Variants in AGMO observed in about 807,000 individuals in gnomAD.
The protein encoded by AGMO is alkylglycerol monooxygenase, also known as glyceryl-ether monooxygenase.
A neutral mutation model predicts 60.2 loss-of-function variants in AGMO; 75 were observed. The ratio of observed to expected loss-of-function variants is 1.25; its 90% CI spans 1.03 to 1.51. AGMO has a LOEUF of 1.51. Among genes scored for constraint, AGMO ranks in the 40% most tolerant of loss-of-function variants. The pLI is 0.00. For missense variants in AGMO, 763 were observed against 525.5 expected (o/e 1.45, Z -4.42); for synonymous variants, 261 against 177.1 (o/e 1.47, Z -3.76).
intron 3 of AGMO, among the ~76,000 whole-genome samples, chr7:15,510,840 CAA>C (rs1172930280): frequency 9.5e-5 from 14 of 147,652 alleles, no homozygotes; most frequent in African/African-American, 3.5e-4. Flanking sequence ...TTAATATAAA[CAA>C]GAGTTTATAT....
chr7:15,182,344 G>A, the AGMO span, among the ~76,000 whole-genome samples: 7 of 152,172 alleles, frequency 4.6e-5, no homozygotes, highest in East Asian at 1.9e-4. Context: ...CAAATGGTTC[G>A]AATGATAAAT....
Position 15,201,196 on chromosome 7 carries a change from C to A in AGMO, c.*89G>T. 1 of 744,896 alleles carries A rather than the reference C, an allele frequency of 1.3e-6. No individual in the cohort carries two copies. The highest frequency in any genetic ancestry group is 2.1e-6 in the Non-Finnish European group (1 of 472,024). 46.1% of individuals were successfully genotyped at this position (744,896 alleles called of 1,614,324 possible). A position where few individuals can be genotyped will look rare whatever the true frequency, so the allele number is the denominator to read the frequency against. On this transcript the variant is annotated 3_prime_UTR_variant, in exon 13 of 13. Transcript: ENST00000342526. ...TCATTGAAGAAATAGTTCATATAAG[C>A]ATTACATAAAATAATTACATTTTAA...
At chr7:15,164,988 G>C in the AGMO span, among the ~76,000 whole-genome samples, 1 of 152,046 alleles carries the variant, frequency 6.6e-6, no homozygotes, top group Admixed American at 6.6e-5. Flanking sequence ...ATTAACCTAA[G>C]AGTTCATCAA....
At chr7:15,314,753 T>C (rs1780866281) in intron 12 of AGMO, among the ~76,000 whole-genome samples, 1 of 152,114 alleles carries the variant, frequency 6.6e-6, no homozygotes, top group Non-Finnish European at 1.5e-5. Context: ...ACTTTGCAGA[T>C]AGAATTAAGC....
intron 12 of AGMO, among the ~76,000 whole-genome samples, chr7:15,232,160 G>T (rs1332498753): frequency 6.6e-6 from 1 of 152,112 alleles, no homozygotes; most frequent in African/African-American, 2.4e-5. Flanking sequence ...TTCAATGCAA[G>T]AAATCTTCCC....
chr7:15,447,412 T>A (rs1166780006), intron 3 of AGMO, among the ~76,000 whole-genome samples: 1 of 152,164 alleles, frequency 6.6e-6, no homozygotes, highest in Non-Finnish European at 1.5e-5. Context: ...TGAAAGGAAT[T>A]CACGTAACTT....
chr7:15,389,619 G>C (rs965001739), intron 8 of AGMO, among the ~76,000 whole-genome samples: 1 of 152,104 alleles, frequency 6.6e-6, no homozygotes, highest in African/African-American at 2.4e-5. Context: ...TTTACGTAAA[G>C]AGGCAGCACT....
At chr7:15,394,220 T>A in intron 5 of AGMO, 41 bp from the exon 6 acceptor site, 1 of 1,353,680 alleles carries the variant, frequency 7.4e-7, no homozygotes, top group South Asian at 1.2e-5. Context: ...GTAGTTATCA[T>A]TAAATGTGTG....
chr7:15,551,014 T>C (rs1180546167), intron 2 of AGMO, among the ~76,000 whole-genome samples: 3 of 144,730 alleles, frequency 2.1e-5, no homozygotes, highest in Non-Finnish European at 4.5e-5. Flanking sequence ...TGGTTCAATA[T>C]ACGCAAATCA....
At chr7:15,189,534 T>C in the AGMO span, among the ~76,000 whole-genome samples, 1 of 149,844 alleles carries the variant, frequency 6.7e-6, no homozygotes, top group Non-Finnish European at 1.5e-5. Context: ...AGCACATTAA[T>C]AGCTAATGCT....
intron 5 of AGMO, among the ~76,000 whole-genome samples, chr7:15,397,603 C>T (rs952339613): frequency 6.6e-6 from 1 of 152,346 alleles, no homozygotes; most frequent in South Asian, 2.1e-4. Context: ...TTCATTCCTT[C>T]TTCCTTTTCT....
rs758015123 is a variant in AGMO at position 15,418,648 on chromosome 7, G to A, written c.519C>T (p.Phe173=). Residue 173 remains phenylalanine (F), a synonymous_variant, in exon 5 of 13, where the codon TTC becomes TTT. Transcript: ENST00000342526. ...SVLQIYTSWI[F]YSPLALFIPP... ...GTATGAAGAGGGCCAGGGGAGAGTA[G>A]AAAATCTGAAAGAAAAAATTAAAAA... 62 of 1,540,622 alleles carry A rather than the reference G, an allele frequency of 4.0e-5. No individual in the cohort carries two copies. In the Middle Eastern group the frequency reaches 9.4e-4, roughly 23 times the overall value.
chr7:15,555,323 A>G (rs1218752130), intron 2 of AGMO, among the ~76,000 whole-genome samples: 1 of 149,328 alleles, frequency 6.7e-6, no homozygotes, highest in Non-Finnish European at 1.5e-5. Context: ...ACACACACAC[A>G]CACACACACA....
rs191019582 is a variant in AGMO at position 15,488,820 on chromosome 7, T to G, written c.409+55952A>C. On this transcript the variant is annotated intron_variant, in intron 3 of 12. Transcript: ENST00000342526. The stretch of plus-strand genomic sequence containing the variant: ...ACATTCGGTTGTTTTTTTTTTACAA[T>G]TAACCATGTGTAAATAATAATAGAA... 6.6e-5 allele frequency among the ~76,000 whole-genome samples: 10 copies of G among 152,176 alleles called. 1 individual carries two copies. Among genetic ancestry groups the G allele is most frequent in the Admixed American group, 5.2e-4 (8 of 15,262 alleles).
intron 3 of AGMO, among the ~76,000 whole-genome samples, chr7:15,466,499 T>C (rs566780587): frequency 1.5e-4 from 23 of 152,282 alleles, no homozygotes; most frequent in Middle Eastern, 3.4e-3. Flanking sequence ...TAATGGCTCA[T>C]GTTATAGGTG....
At chr7:15,388,042 G>A (rs1247365141) in intron 8 of AGMO, among the ~76,000 whole-genome samples, 1 of 151,848 alleles carries the variant, frequency 6.6e-6, no homozygotes, top group East Asian at 1.9e-4. Flanking sequence ...TGAGTAGCTG[G>A]GATTACAGGT....
intron 12 of AGMO, among the ~76,000 whole-genome samples, chr7:15,280,423 C>T (rs1373941050): frequency 6.6e-6 from 1 of 152,196 alleles, no homozygotes; most frequent in East Asian, 1.9e-4. Flanking sequence ...CCCCCTCACA[C>T]CACAGGGGCC....
chr7:15,387,702 T>A (rs74683718), intron 8 of AGMO, among the ~76,000 whole-genome samples, 162 bp from the exon 9 acceptor site: 14,543 of 152,228 alleles, frequency 0.096, 906 homozygotes, highest in South Asian at 0.17. Context: ...CATGCTGTAA[T>A]CTATTCTATG....
intron 3 of AGMO, among the ~76,000 whole-genome samples, chr7:15,534,076 C>T (rs1485832541): frequency 3.3e-5 from 5 of 151,430 alleles, no homozygotes; most frequent in East Asian, 1.9e-4. Context: ...TATGAGGCCT[C>T]GATTGTAAAA....
Sources: gnomAD v4.1 joint callset for allele counts (sites outside exome capture counted in the v4.1 genomes callset) on GRCh38, gnomAD v4.1.1 for gene constraint, MANE v1.5 for transcripts, NCBI Gene and HGNC (gene_info 2026-07-23, HGNC 2026-07-21) for gene names.